NDUFAF2: variants seen among roughly 807,000 people sequenced by gnomAD.
NDUFAF2 encodes NADH:ubiquinone oxidoreductase complex assembly factor 2.
A neutral mutation model predicts 22.8 loss-of-function variants in NDUFAF2; 13 were observed. That is an observed-to-expected ratio of 0.57 (90% CI 0.37 to 0.91). NDUFAF2 has a LOEUF of 0.91. NDUFAF2 is among the 40% of genes least tolerant of loss of function. The pLI is 0.01. For missense variants in NDUFAF2, 162 were observed against 195.2 expected (o/e 0.83, Z 1.01); for synonymous variants, 53 against 64.2 (o/e 0.83, Z 0.84).
chr5:61,077,616 C>A (rs1181192999), intron 2 of NDUFAF2, among the ~76,000 whole-genome samples: 2 of 152,066 alleles, frequency 1.3e-5, no homozygotes, highest in African/African-American at 2.4e-5. Flanking sequence ...GAAATATTTT[C>A]TTTTGTTTTA....
In NDUFAF2 at chr5:61,094,436, C is replaced by A. The variant is rs577777792; in HGVS notation, c.218-4556C>A. 1.1e-4 allele frequency among the ~76,000 whole-genome samples: 17 copies of A among 152,306 alleles called. No individual in the cohort carries two copies. In the South Asian group the frequency reaches 3.3e-3, roughly 30 times the overall value. ...CTTCGCATTGGGTTACAACATGCTC[C>A]ATTAGCTCAGTGAAGTTTGTTTTTA... is the stretch of plus-strand genomic sequence containing the variant. On this transcript the variant is annotated intron_variant, in intron 2 of 3. Transcript: ENST00000296597.
intron 1 of NDUFAF2, among the ~76,000 whole-genome samples, chr5:61,014,409 T>C (rs1196755675): frequency 6.6e-6 from 1 of 152,172 alleles, no homozygotes; most frequent in Non-Finnish European, 1.5e-5. Flanking sequence ...TATATATACC[T>C]CTTCATCTGG....
intron 1 of NDUFAF2, among the ~76,000 whole-genome samples, chr5:60,987,328 C>T (rs1462001128): frequency 6.6e-6 from 1 of 152,120 alleles, no homozygotes; most frequent in African/African-American, 2.4e-5. Flanking sequence ...GAGAAAGATT[C>T]TTGGCTGAAT....
At chr5:61,140,041 A>G (rs1323845108) in intron 3 of NDUFAF2, among the ~76,000 whole-genome samples, 1 of 152,200 alleles carries the variant, frequency 6.6e-6, no homozygotes, top group Non-Finnish European at 1.5e-5. Flanking sequence ...CATTCTTCTT[A>G]GGTGCAGGAC....
intron 1 of NDUFAF2, among the ~76,000 whole-genome samples, chr5:60,958,421 T>C (rs1156854448): frequency 5.9e-5 from 9 of 152,212 alleles, no homozygotes; most frequent in African/African-American, 2.2e-4. Flanking sequence ...TCATTCATTT[T>C]GTTCTCAGCT....
chr5:61,030,177 G>T (rs1751705958), intron 1 of NDUFAF2, among the ~76,000 whole-genome samples: 1 of 152,058 alleles, frequency 6.6e-6, no homozygotes, highest in African/African-American at 2.4e-5. Flanking sequence ...CTTTAGAACT[G>T]GTTTTAGTAA....
intron 3 of NDUFAF2, chr5:61,145,789 C>T (rs1741129774): frequency 6.6e-6 from 1 of 152,298 alleles, no homozygotes; most frequent in East Asian, 1.9e-4. Flanking sequence ...TGATACAGCT[C>T]ATGCCTTTTT....
At chr5:60,984,644 A>G (rs1751042787) in intron 1 of NDUFAF2, among the ~76,000 whole-genome samples, 1 of 152,138 alleles carries the variant, frequency 6.6e-6, no homozygotes, top group African/African-American at 2.4e-5. Context: ...TTCTGCATCT[A>G]TTGAGATAAT....
At chr5:61,028,447 G>A (rs1172595679) in intron 1 of NDUFAF2, among the ~76,000 whole-genome samples, 1 of 151,870 alleles carries the variant, frequency 6.6e-6, no homozygotes, top group Non-Finnish European at 1.5e-5. Context: ...TTACAAAAAT[G>A]GTGTTATCCT....
chr5:61,034,781 AC>A (rs1237930397), intron 1 of NDUFAF2, among the ~76,000 whole-genome samples: 1 of 152,208 alleles, frequency 6.6e-6, no homozygotes, highest in Non-Finnish European at 1.5e-5. Flanking sequence ...AAAATATAAT[AC>A]CAGAAAGACT....
At chr5:61,026,620 A>G (rs954034705) in intron 1 of NDUFAF2, among the ~76,000 whole-genome samples, 7 of 152,082 alleles carry the variant, frequency 4.6e-5, no homozygotes, top group Non-Finnish European at 1.0e-4. Context: ...TATGTCACTG[A>G]AATAATTATT....
rs1200942754 is a variant in NDUFAF2 at position 60,962,931 on chromosome 5, G to C, written c.127+17549G>C. On this transcript the variant is annotated intron_variant, in intron 1 of 3. Transcript: ENST00000296597. ...GACAGAGTCCTGCTCTATAGCCCAG[G>C]CTGGAGTGCAGTGGCGCGATCTCGG... Among the ~76,000 whole-genome samples the C allele has an allele frequency of 5.9e-5, 9 of 152,060 alleles. No homozygotes were observed. In the East Asian group the frequency reaches 1.8e-3, roughly 30 times the overall value.
At chr5:61,112,211 C>A (rs1474939963) in intron 3 of NDUFAF2, among the ~76,000 whole-genome samples, 2 of 134,948 alleles carry the variant, frequency 1.5e-5, no homozygotes, top group Non-Finnish European at 3.1e-5. Flanking sequence ...CCTTCTTTAT[C>A]CCCCCCCCTT....
intron 2 of NDUFAF2, among the ~76,000 whole-genome samples, chr5:61,093,853 G>A (rs1484658884): frequency 2.0e-5 from 3 of 151,984 alleles, no homozygotes; most frequent in African/African-American, 7.2e-5. Flanking sequence ...GCTCTTCTTT[G>A]TACATCTAGT....
At chr5:60,965,276 T>G (rs1750739863) in intron 1 of NDUFAF2, among the ~76,000 whole-genome samples, 1 of 152,146 alleles carries the variant, frequency 6.6e-6, no homozygotes, top group Non-Finnish European at 1.5e-5. Context: ...TTGTATATAT[T>G]TACAGTGTAC....
intron 3 of NDUFAF2, among the ~76,000 whole-genome samples, chr5:61,147,247 T>A (rs1741152588): frequency 6.6e-6 from 1 of 151,364 alleles, no homozygotes; most frequent in Non-Finnish European, 1.5e-5. Flanking sequence ...CAGCCCAAAC[T>A]TTTGGAAGCT....
chr5:60,946,207 G>A (rs930126233), intron 1 of NDUFAF2, among the ~76,000 whole-genome samples: 2 of 152,100 alleles, frequency 1.3e-5, no homozygotes, highest in Non-Finnish European at 1.5e-5. Flanking sequence ...GTCAGGTTTT[G>A]GGCGAAGAGG....
At chr5:61,061,513 G>A (rs568540586) in intron 1 of NDUFAF2, among the ~76,000 whole-genome samples, 1 of 152,070 alleles carries the variant, frequency 6.6e-6, no homozygotes, top group South Asian at 2.1e-4. Context: ...AATATGTATT[G>A]ATATTTTTTA....
At chr5:60,998,850 A>AT (rs1181129165) in intron 1 of NDUFAF2, among the ~76,000 whole-genome samples, 2 of 151,644 alleles carry the variant, frequency 1.3e-5, no homozygotes, top group Non-Finnish European at 1.5e-5. Flanking sequence ...TTAAGGTGAG[A>AT]TTTTTTTCCA....
Sources: allele counts gnomAD v4.1 joint callset (sites outside exome capture counted in the v4.1 genomes callset), GRCh38; gene constraint gnomAD v4.1.1; transcripts MANE v1.5; gene names NCBI Gene and HGNC (gene_info 2026-07-23, HGNC 2026-07-21).